The following NUAK1 variants were observed in gnomAD, a reference collection of about 807,000 sequenced individuals.
The protein encoded by NUAK1 is NUAK family kinase 1.
A neutral mutation model predicts 56.9 loss-of-function variants in NUAK1; 26 were observed. The ratio of observed to expected loss-of-function variants is 0.46; its 90% CI spans 0.33 to 0.63. NUAK1 has a LOEUF of 0.63. Ranked by LOEUF, NUAK1 falls within the 30% of genes least tolerant of loss-of-function variation. The pLI, the probability that NUAK1 is intolerant of heterozygous loss-of-function variation, is 0.02. For missense variants in NUAK1, 727 were observed against 876.1 expected (o/e 0.83, Z 2.15); for synonymous variants, 337 against 336.0 (o/e 1.00, Z -0.03).
intron 2 of NUAK1, among the ~76,000 whole-genome samples, chr12:106,093,749 A>G (rs538421905): frequency 9.2e-5 from 14 of 152,266 alleles, no homozygotes; most frequent in Non-Finnish European, 1.8e-4. Flanking sequence ...TTAAAAAGGG[A>G]CAATTTCTTT....
chr12:106,089,406 C>T (rs2032611636), intron 2 of NUAK1, among the ~76,000 whole-genome samples: 1 of 152,220 alleles, frequency 6.6e-6, no homozygotes, highest in African/African-American at 2.4e-5. Context: ...CAAGGAGACA[C>T]AAACACAATT....
chr12:106,097,094 G>T (rs1211542225), intron 2 of NUAK1, among the ~76,000 whole-genome samples: 1 of 152,128 alleles, frequency 6.6e-6, no homozygotes, highest in Non-Finnish European at 1.5e-5. Context: ...GCCCTGGCAC[G>T]GTACTTAGCA....
intron 2 of NUAK1, among the ~76,000 whole-genome samples, chr12:106,099,522 G>A (rs1565923473): frequency 6.6e-6 from 1 of 152,054 alleles, no homozygotes. Flanking sequence ...TCCAGTTAGG[G>A]GTCTCTGCAG....
intron 3 of NUAK1, among the ~76,000 whole-genome samples, chr12:106,085,428 A>G (rs572369645): frequency 2.6e-5 from 4 of 152,358 alleles, no homozygotes; most frequent in African/African-American, 4.8e-5. Flanking sequence ...GCCACTCTCA[A>G]TTAAACATAA....
chr12:106,123,885 T>C (rs2033001849), intron 1 of NUAK1, among the ~76,000 whole-genome samples: 1 of 152,212 alleles, frequency 6.6e-6, no homozygotes, highest in Non-Finnish European at 1.5e-5. Flanking sequence ...GCAAGGATTT[T>C]ATGAGATTTC....
intron 1 of NUAK1, among the ~76,000 whole-genome samples, chr12:106,113,478 C>T (rs760233984): frequency 4.6e-5 from 7 of 151,856 alleles, no homozygotes; most frequent in African/African-American, 9.7e-5. Context: ...ATGCAGATTC[C>T]TGGGCCCACC....
At chr12:106,124,733 G>C (rs887769757) in intron 1 of NUAK1, among the ~76,000 whole-genome samples, 10 of 152,138 alleles carry the variant, frequency 6.6e-5, no homozygotes, top group Non-Finnish European at 1.5e-4. Context: ...TAAATGGCCA[G>C]GTGTGGTGGC....
intron 2 of NUAK1, chr12:106,105,714 C>T (rs1351776554): frequency 6.6e-6 from 1 of 152,152 alleles, no homozygotes; most frequent in Non-Finnish European, 1.5e-5. Flanking sequence ...TTTAACATTT[C>T]GATTTCAATC....
chr12:106,131,693 G>T (rs7976650), intron 1 of NUAK1, among the ~76,000 whole-genome samples: 15,252 of 152,222 alleles, frequency 0.1, 918 homozygotes, highest in African/African-American at 0.17. Context: ...ATAGACATTT[G>T]TGTAGAAGTT....
At chr12:106,097,265 C>T (rs1006705250) in intron 2 of NUAK1, among the ~76,000 whole-genome samples, 4 of 152,184 alleles carry the variant, frequency 2.6e-5, no homozygotes, top group Admixed American at 6.5e-5. Flanking sequence ...TCTCAGCCTA[C>T]GTGGATGACA....
chr12:106,133,247 T>C (rs552210580), intron 1 of NUAK1, among the ~76,000 whole-genome samples: 2 of 152,086 alleles, frequency 1.3e-5, no homozygotes, highest in African/African-American at 4.8e-5. Context: ...CACATTCCAA[T>C]CCTCTGAAAC....
At chr12:106,134,648 G>T (rs900205152) in intron 1 of NUAK1, among the ~76,000 whole-genome samples, 2 of 152,206 alleles carry the variant, frequency 1.3e-5, no homozygotes, top group Admixed American at 6.5e-5. Context: ...ATAAAATTGT[G>T]TGGCTTTGGT....
intron 4 of NUAK1, among the ~76,000 whole-genome samples, chr12:106,083,254 G>A (rs756077972): frequency 9.2e-5 from 14 of 152,206 alleles, no homozygotes; most frequent in South Asian, 2.1e-4. Flanking sequence ...ACAGGGTGGA[G>A]AGTGACAAAG....
At chr12:106,130,598 G>C (rs559385834) in intron 1 of NUAK1, among the ~76,000 whole-genome samples, 5 of 152,328 alleles carry the variant, frequency 3.3e-5, no homozygotes, top group African/African-American at 1.2e-4. Context: ...GCTACCACCA[G>C]GGCTGCCAAG....
At chr12:106,091,511 T>C (rs2032635784) in intron 2 of NUAK1, among the ~76,000 whole-genome samples, 1 of 151,794 alleles carries the variant, frequency 6.6e-6, no homozygotes, top group Non-Finnish European at 1.5e-5. Flanking sequence ...AGGGTCAGCA[T>C]GAGGAAGGGA....
chr12:106,120,501 A>G (rs2032963195), intron 1 of NUAK1, among the ~76,000 whole-genome samples: 1 of 151,988 alleles, frequency 6.6e-6, no homozygotes, highest in Non-Finnish European at 1.5e-5. Flanking sequence ...TCTGAGACTC[A>G]GAGGACGATG....
chr12:106,138,547 G>T lies in NUAK1; in HGVS notation c.107C>A (p.Pro36His). ...CCGCTTCACCCCGTGCGGCTTCCTGGGCTCCAGGGCTGCAGTCGCCCCCGC... is the reference window on the plus strand; with the variant it reads ...CCGCTTCACCCCGTGCGGCTTCCTGTGCTCCAGGGCTGCAGTCGCCCCCGC... ...AVAGATAALE[P>H]RKPHGVKRHH... The change falls in exon 1 of 7, where the codon CCC becomes CAC. Residue 36 changes from proline (P) to histidine (H), a missense_variant. Physicochemically the swap from Pro to His is moderately conservative, Grantham distance 77 (BLOSUM62 -2). Coordinates refer to ENST00000261402, the MANE Select transcript of NUAK1 (RefSeq NM_014840.3). The surrounding 1 kb of genome is among the most constrained non-coding windows in gnomAD (Gnocchi z 5.0). The T allele has an allele frequency of 6.2e-7, 1 of 1,611,006 alleles. No homozygotes were observed. The highest frequency in any genetic ancestry group is 2.2e-5 in the East Asian group (1 of 44,826).
intron 1 of NUAK1, among the ~76,000 whole-genome samples, chr12:106,122,010 T>A (rs967522863): frequency 6.6e-6 from 1 of 152,172 alleles, no homozygotes; most frequent in African/African-American, 2.4e-5. Context: ...CGACACTTTC[T>A]CAGAAACTCT....
chr12:106,087,868 G>GATGAGAT, intron 2 of NUAK1, among the ~76,000 whole-genome samples: 1 of 152,354 alleles, frequency 6.6e-6, no homozygotes, highest in East Asian at 1.9e-4. Context: ...GGAATCAGCA[G>GATGAGAT]GGCTCCAGTC....
Sources: gnomAD v4.1 joint callset for allele counts (sites outside exome capture counted in the v4.1 genomes callset) on GRCh38, gnomAD v4.1.1 for gene constraint, Gnocchi (gnomAD v3.1) non-coding constraint, MANE v1.5 for transcripts, NCBI Gene and HGNC (gene_info 2026-07-23, HGNC 2026-07-21) for gene names.